DPP10: variants seen among roughly 807,000 people sequenced by gnomAD.
DPP10 encodes the protein inactive dipeptidyl peptidase 10.
Under a neutral mutation model 120.9 loss-of-function variants are expected in DPP10, and 33 were observed. That is an observed-to-expected ratio of 0.27 (90% CI 0.21 to 0.37). The LOEUF (loss-of-function observed/expected upper bound fraction) is 0.37. Ranked by LOEUF, DPP10 falls within the 10% of genes least tolerant of loss-of-function variation. The probability of loss-of-function intolerance (pLI) is 1.00; values close to 1 mark genes in which losing one functional copy is unlikely to be tolerated. For synonymous variants in DPP10, 337 were observed against 326.1 expected, an observed-to-expected ratio of 1.03 and a Z score of -0.36; for missense variants, 816 against 942.8, an observed-to-expected ratio of 0.87 and a Z score of 1.76.
intron 1 of DPP10, among the ~76,000 whole-genome samples, chr2:114,533,596 C>A (rs1558853603): frequency 6.6e-6 from 1 of 151,808 alleles, no homozygotes; most frequent in South Asian, 2.1e-4. Context: ...CCTGCACATC[C>A]TGCCCATGTA....
intron 1 of DPP10, among the ~76,000 whole-genome samples, chr2:115,132,457 G>T (rs530350167): frequency 9.2e-5 from 14 of 152,226 alleles, no homozygotes; most frequent in African/African-American, 3.4e-4. Context: ...ATATGTCAAA[G>T]AAATATATTT....
intron 1 of DPP10, among the ~76,000 whole-genome samples, chr2:115,080,210 G>T (rs1167661905): frequency 6.6e-6 from 1 of 152,028 alleles, no homozygotes; most frequent in African/African-American, 2.4e-5. Context: ...TAGAGACAGG[G>T]TTTCACTATA....
chr2:114,516,810 C>CT (rs35723714), intron 1 of DPP10, among the ~76,000 whole-genome samples: 5 of 152,080 alleles, frequency 3.3e-5, no homozygotes, highest in Admixed American at 6.5e-5. Context: ...CACTGTTGGG[C>CT]TTTTTTTAAA....
chr2:115,566,038 C>T (rs918169696), intron 5 of DPP10, among the ~76,000 whole-genome samples: 2 of 151,966 alleles, frequency 1.3e-5, no homozygotes, highest in Non-Finnish European at 2.9e-5. Context: ...CAGCCCGCCT[C>T]GGCCTCCCAA....
intron 1 of DPP10, among the ~76,000 whole-genome samples, chr2:114,517,383 A>G (rs1684680598): frequency 6.6e-6 from 1 of 152,080 alleles, no homozygotes; most frequent in Admixed American, 6.5e-5. Context: ...AGCCAGGTGT[A>G]GTGTCACATG....
At chr2:115,310,425 C>T (rs553506516) in intron 2 of DPP10, among the ~76,000 whole-genome samples, 24 of 152,122 alleles carry the variant, frequency 1.6e-4, no homozygotes, top group African/African-American at 4.3e-4. Flanking sequence ...TGAGACACTT[C>T]GTGAGATATA....
At position 114,981,002 on chromosome 2, in the gene DPP10, T is replaced by C. The variant is rs13430806; in HGVS notation, c.61-328237T>C. 3.2e-3 allele frequency among the ~76,000 whole-genome samples: 488 copies of C among 152,078 alleles called. 1 individual carries two copies. The highest frequency in any genetic ancestry group is 0.011 in the African/African-American group (476 of 41,480). ...AAATATGTTGTGTCATTTTTTTTTT[T>C]TTGTCCAAAACAACATAGCTGTTCT... On this transcript the variant is annotated intron_variant, in intron 1 of 25. Coordinates refer to ENST00000410059, the MANE Select transcript of DPP10 (RefSeq NM_020868.6).
chr2:115,690,025 C>G, intron 7 of DPP10, 104 bp downstream of exon 7: 6 of 1,113,642 alleles, frequency 5.4e-6, no homozygotes, highest in Non-Finnish European at 7.7e-6. Flanking sequence ...TCCTACAAAA[C>G]TTTATGTTTC....
intron 24 of DPP10, among the ~76,000 whole-genome samples, chr2:115,837,542 C>G (rs754598354): frequency 6.6e-6 from 1 of 152,132 alleles, no homozygotes; most frequent in Non-Finnish European, 1.5e-5. Context: ...ACTTCTTCCT[C>G]TTTAGGGTGG....
At chr2:115,290,613 A>C (rs987770741) in intron 1 of DPP10, among the ~76,000 whole-genome samples, 33 of 152,162 alleles carry the variant, frequency 2.2e-4, no homozygotes, top group Non-Finnish European at 4.3e-4. Context: ...TACTAGCTGA[A>C]AAATTGAAAA....
chr2:115,097,293 G>C (rs1365159932), intron 1 of DPP10, among the ~76,000 whole-genome samples: 1 of 152,054 alleles, frequency 6.6e-6, no homozygotes, highest in Non-Finnish European at 1.5e-5. Context: ...TCTGATTCCA[G>C]TTAAAGACCA....
At chr2:114,830,896 C>T (rs997027361) in intron 1 of DPP10, among the ~76,000 whole-genome samples, 3 of 151,278 alleles carry the variant, frequency 2.0e-5, no homozygotes, top group African/African-American at 7.3e-5. Context: ...CATTAGTTAA[C>T]ATTAAAAAAA....
At chr2:115,530,146 C>A (rs1461359943) in intron 5 of DPP10, among the ~76,000 whole-genome samples, 1 of 151,776 alleles carries the variant, frequency 6.6e-6, no homozygotes, top group East Asian at 1.9e-4. Flanking sequence ...ATTTTAGAAA[C>A]TTTATTTCAC....
chr2:115,075,869 T>C (rs1356810775), intron 1 of DPP10, among the ~76,000 whole-genome samples: 1 of 152,214 alleles, frequency 6.6e-6, no homozygotes, highest in Non-Finnish European at 1.5e-5. Context: ...TAAAACTTCT[T>C]AAATTTAATT....
intron 1 of DPP10, among the ~76,000 whole-genome samples, chr2:114,918,760 C>A (rs1213981637): frequency 2.0e-5 from 3 of 152,120 alleles, no homozygotes; most frequent in South Asian, 4.1e-4. Flanking sequence ...CACATGTACA[C>A]AAAGAGGGGA....
At chr2:114,797,618 A>G (rs1463283737) in intron 1 of DPP10, among the ~76,000 whole-genome samples, 3 of 152,220 alleles carry the variant, frequency 2.0e-5, no homozygotes, top group African/African-American at 7.2e-5. Context: ...AAAATAAATA[A>G]CACAGTTCTA....
intron 1 of DPP10, among the ~76,000 whole-genome samples, chr2:114,568,564 C>T (rs968102963): frequency 2.0e-5 from 3 of 152,180 alleles, no homozygotes; most frequent in Non-Finnish European, 4.4e-5. Context: ...ATCCCATTAT[C>T]GCCTCAATCC....
At chr2:114,551,829 C>T (rs1472182837) in intron 1 of DPP10, among the ~76,000 whole-genome samples, 1 of 152,146 alleles carries the variant, frequency 6.6e-6, no homozygotes. Context: ...GTTTTTAATT[C>T]CCTCTGATCT....
intron 1 of DPP10, among the ~76,000 whole-genome samples, chr2:115,103,781 A>T (rs1397962973): frequency 6.6e-6 from 1 of 152,224 alleles, no homozygotes; most frequent in Non-Finnish European, 1.5e-5. Context: ...CAAAAATTCA[A>T]TGTATAACCA....
Sources: gnomAD v4.1 joint callset for allele counts (sites outside exome capture counted in the v4.1 genomes callset) on GRCh38, gnomAD v4.1.1 for gene constraint, MANE v1.5 for transcripts, NCBI Gene and HGNC (gene_info 2026-07-23, HGNC 2026-07-21) for gene names.